Variants in PDE1C observed in about 807,000 individuals in gnomAD.
The protein encoded by PDE1C is dual specificity calcium/calmodulin-dependent 3',5'-cyclic nucleotide phosphodiesterase 1C.
Under a neutral mutation model 93.1 loss-of-function variants are expected in PDE1C, and 62 were observed. The ratio of observed to expected loss-of-function variants is 0.67; its 90% CI spans 0.54 to 0.82. PDE1C has a LOEUF of 0.82. PDE1C is among the 40% of genes least tolerant of loss of function. PDE1C has a pLI of 0.00. For synonymous variants in PDE1C, 325 were observed against 310.1 expected, an observed-to-expected ratio of 1.05 and a Z score of -0.50; for missense variants, 742 against 884.6, an observed-to-expected ratio of 0.84 and a Z score of 2.04.
intron 1 of PDE1C, among the ~76,000 whole-genome samples, chr7:32,386,074 T>C (rs1585136476): frequency 7.7e-6 from 1 of 129,744 alleles, no homozygotes; most frequent in Admixed American, 9.4e-5. Flanking sequence ...CCTTTGTCCC[T>C]CCACCTTTTT....
upstream of PDE1C, among the ~76,000 whole-genome samples, chr7:32,073,300 A>G (rs916069954): frequency 8.5e-5 from 13 of 152,210 alleles, no homozygotes; most frequent in Non-Finnish European, 1.8e-4. Flanking sequence ...TGTGTATTAG[A>G]AAGTCAGGAA....
In PDE1C at chr7:31,942,389, C is replaced by T. The variant is rs567013058; in HGVS notation, c.129-61529G>A. 5.8e-4 allele frequency among the ~76,000 whole-genome samples: 88 copies of T among 152,206 alleles called. 1 individual carries two copies. The highest frequency in any genetic ancestry group is 2.0e-3 in the African/African-American group (85 of 41,536). Reference sequence around the variant, plus strand: ...AGCTACTTCATGCTGCCCTTAGTTACCCCAAAGAAGGGTGGATTTTAAAAC... The same window carrying T: ...AGCTACTTCATGCTGCCCTTAGTTATCCCAAAGAAGGGTGGATTTTAAAAC... On this transcript the variant is annotated intron_variant, in intron 2 of 17. Coordinates refer to ENST00000396191, the MANE Select transcript of PDE1C (RefSeq NM_001191057.4).
chr7:31,938,179 T>C (rs780697363), intron 2 of PDE1C, among the ~76,000 whole-genome samples: 1 of 151,842 alleles, frequency 6.6e-6, no homozygotes, highest in Non-Finnish European at 1.5e-5. Context: ...GCAAGCAATT[T>C]GGGGATTTTG....
chr7:31,979,152 A>T (rs1243512923), intron 2 of PDE1C, among the ~76,000 whole-genome samples: 1 of 152,178 alleles, frequency 6.6e-6, no homozygotes, highest in Non-Finnish European at 1.5e-5. Flanking sequence ...TCACCACTCA[A>T]ACATTATGTG....
the PDE1C span, among the ~76,000 whole-genome samples, chr7:31,722,589 G>C: frequency 6.6e-6 from 1 of 152,190 alleles, no homozygotes; most frequent in Non-Finnish European, 1.5e-5. Flanking sequence ...GGATGGAGCT[G>C]TTAGGAAGAT....
chr7:31,690,688 C>A, the PDE1C span, among the ~76,000 whole-genome samples: 1 of 152,124 alleles, frequency 6.6e-6, no homozygotes, highest in Non-Finnish European at 1.5e-5. Context: ...GCCATAGGAT[C>A]CAAGTTAAAA....
At chr7:32,404,765 GAGAC>G (rs1166576559) in intron 1 of PDE1C, among the ~76,000 whole-genome samples, 1 of 152,164 alleles carries the variant, frequency 6.6e-6, no homozygotes. Context: ...TTCCTTGACT[GAGAC>G]AGGAAAACAA....
intron 3 of PDE1C, among the ~76,000 whole-genome samples, chr7:32,094,700 A>G (rs559696377): frequency 9.6e-4 from 147 of 152,338 alleles, no homozygotes; most frequent in Non-Finnish European, 1.7e-3. Context: ...TCCATTCAGC[A>G]GTGAGTTCGT....
At chr7:32,232,123 T>G (rs552652470) in intron 1 of PDE1C, among the ~76,000 whole-genome samples, 3 of 151,914 alleles carry the variant, frequency 2.0e-5, no homozygotes, top group African/African-American at 7.3e-5. Flanking sequence ...CTGAAAACAA[T>G]AGTAGCAGAC....
chr7:32,111,643 C>CTGAAT (rs1269149463), intron 3 of PDE1C, among the ~76,000 whole-genome samples: 18 of 152,020 alleles, frequency 1.2e-4, no homozygotes, highest in Admixed American at 2.6e-4. Context: ...GACCTCTGGA[C>CTGAAT]CATAGTCAGA....
chr7:32,203,738 T>C (rs1392954182), intron 2 of PDE1C, among the ~76,000 whole-genome samples: 1 of 152,158 alleles, frequency 6.6e-6, no homozygotes, highest in East Asian at 1.9e-4. Context: ...ACGATTCTGC[T>C]CATGTCTACC....
chr7:32,403,835 G>T (rs1414580278), intron 1 of PDE1C, among the ~76,000 whole-genome samples: 1 of 152,216 alleles, frequency 6.6e-6, no homozygotes, highest in African/African-American at 2.4e-5. Context: ...ATTGGGAACT[G>T]AGGGGTTGGT....
At chr7:32,126,091 C>T (rs182461158) in intron 3 of PDE1C, among the ~76,000 whole-genome samples, 149 of 152,168 alleles carry the variant, frequency 9.8e-4, no homozygotes, top group African/African-American at 3.3e-3. Flanking sequence ...CATGGTTAAT[C>T]ATTATTGTTT....
chr7:32,064,291 A>T (rs943510603), intron 1 of PDE1C, among the ~76,000 whole-genome samples: 10 of 152,144 alleles, frequency 6.6e-5, no homozygotes, highest in Non-Finnish European at 1.5e-4. Flanking sequence ...TAACATATCT[A>T]TACCCAAGTT....
At chr7:32,291,249 C>A (rs1812313565) in intron 1 of PDE1C, among the ~76,000 whole-genome samples, 1 of 152,222 alleles carries the variant, frequency 6.6e-6, no homozygotes, top group Non-Finnish European at 1.5e-5. Flanking sequence ...CAACTCTTAA[C>A]CTCTGCACAG....
chr7:32,154,984 G>A (rs1801478460), intron 3 of PDE1C, among the ~76,000 whole-genome samples: 1 of 152,216 alleles, frequency 6.6e-6, no homozygotes, highest in Non-Finnish European at 1.5e-5. Flanking sequence ...CAAGGTGGCT[G>A]GCCAGCCAGT....
intron 2 of PDE1C, among the ~76,000 whole-genome samples, chr7:31,917,594 A>G (rs142785660): frequency 1.5e-3 from 222 of 152,198 alleles, no homozygotes; most frequent in Admixed American, 4.4e-3. Context: ...GCTTTTTCTT[A>G]TAGCAACTGA....
rs141679608 is a variant in PDE1C, at chr7:31,964,074, C to T, written c.129-83214G>A. 8.1e-3 allele frequency among the ~76,000 whole-genome samples: 1,232 copies of T among 152,298 alleles called. 20 individuals carry two copies. The highest frequency in any genetic ancestry group is 0.028 in the African/African-American group (1,181 of 41,576). On this transcript the variant is annotated intron_variant, in intron 2 of 17. Transcript: ENST00000396191. ...ATTTCTGCATTTCCAACTGAGGTAGCGGGTTCATCTCACTGGGGAGTGCCA... is the reference window on the plus strand; with the variant it reads ...ATTTCTGCATTTCCAACTGAGGTAGTGGGTTCATCTCACTGGGGAGTGCCA...
At chr7:32,014,586 T>C (rs1295221656) in intron 2 of PDE1C, among the ~76,000 whole-genome samples, 1 of 152,184 alleles carries the variant, frequency 6.6e-6, no homozygotes, top group Non-Finnish European at 1.5e-5. Context: ...CAGCCCCGCA[T>C]GCATTAGGGG....
Sources: allele counts gnomAD v4.1 joint callset (sites outside exome capture counted in the v4.1 genomes callset), GRCh38; gene constraint gnomAD v4.1.1; transcripts MANE v1.5; gene names NCBI Gene and HGNC (gene_info 2026-07-23, HGNC 2026-07-21).